The following NUDCD3 variants were observed in gnomAD, a reference collection of about 807,000 sequenced individuals.
The protein encoded by NUDCD3 is NudC domain containing 3, also known as nudC domain-containing protein 3.
Under a neutral mutation model 39.7 loss-of-function variants are expected in NUDCD3, and 13 were observed. That is an observed-to-expected ratio of 0.33 (90% CI 0.21 to 0.52). The LOEUF is 0.52. NUDCD3 is among the 20% of genes least tolerant of loss of function. NUDCD3 has a pLI of 0.96. For synonymous variants in NUDCD3, 175 were observed against 172.4 expected, an observed-to-expected ratio of 1.02 and a Z score of -0.12; for missense variants, 453 against 458.1, an observed-to-expected ratio of 0.99 and a Z score of 0.10.
At chr7:44,465,212 A>G (rs1800095320) in intron 2 of NUDCD3, among the ~76,000 whole-genome samples, 1 of 152,230 alleles carries the variant, frequency 6.6e-6, no homozygotes, top group Admixed American at 6.5e-5. Flanking sequence ...ATATTACTAT[A>G]AAGAAACTTT....
intron 2 of NUDCD3, among the ~76,000 whole-genome samples, chr7:44,455,801 C>T (rs1240141708): frequency 2.6e-5 from 4 of 151,840 alleles, no homozygotes; most frequent in Middle Eastern, 6.8e-3. Context: ...CCGAGGCGGG[C>T]GGATCACGAG....
intron 5 of NUDCD3, 87 bp from the exon 6 acceptor site, chr7:44,386,208 C>A (rs1023680811): frequency 7.0e-7 from 1 of 1,428,316 alleles, no homozygotes. Context: ...AGGTAGAGAG[C>A]CTTCTTGCTT....
At chr7:44,480,344 A>T (rs1467294873) in intron 2 of NUDCD3, among the ~76,000 whole-genome samples, 10 of 152,246 alleles carry the variant, frequency 6.6e-5, no homozygotes, top group African/African-American at 1.7e-4. Context: ...ATAGTAAGGG[A>T]CAAAGATAAA....
intron 2 of NUDCD3, among the ~76,000 whole-genome samples, chr7:44,470,127 A>AT (rs981425788): frequency 3.9e-4 from 59 of 152,234 alleles, no homozygotes; most frequent in South Asian, 8.3e-4. Context: ...GACTTCTGCA[A>AT]TTTTTTTTGG....
At chr7:44,429,308 A>G (rs1252192473) in intron 2 of NUDCD3, among the ~76,000 whole-genome samples, 1 of 152,210 alleles carries the variant, frequency 6.6e-6, no homozygotes, top group African/African-American at 2.4e-5. Context: ...AGTTACAACA[A>G]GGTCATTAGG....
intron 3 of NUDCD3, among the ~76,000 whole-genome samples, chr7:44,419,668 T>G (rs1375583749): frequency 6.6e-6 from 1 of 152,154 alleles, no homozygotes; most frequent in African/African-American, 2.4e-5. Context: ...TGGCAATCTT[T>G]GCTGTTCTGC....
intron 2 of NUDCD3, among the ~76,000 whole-genome samples, chr7:44,473,606 G>A (rs1346538326): frequency 6.6e-6 from 1 of 152,148 alleles, no homozygotes; most frequent in African/African-American, 2.4e-5. Flanking sequence ...ATATAGTAGG[G>A]AAAATATATA....
Position 44,485,088 on chromosome 7 carries a change from A to C in NUDCD3, c.389T>G (p.Val130Gly), listed in dbSNP as rs988368420. 3.7e-6 allele frequency: 6 copies of C among 1,614,120 alleles called. No individual in the cohort carries two copies. Among genetic ancestry groups the C allele is most frequent in the Non-Finnish European group, 5.1e-6 (6 of 1,180,014 alleles). Residue 130 changes from valine to glycine, a missense_variant, in exon 2 of 6, where the codon GTA becomes GGA. Val to Gly is a moderately radical substitution (Grantham distance 109, BLOSUM62 -3). Coordinates refer to ENST00000355451, the MANE Select transcript of NUDCD3 (RefSeq NM_015332.4). Reference sequence around the variant, plus strand: ...AGGGCCTGGAGGCTGCACTTTCTCTACTTCCTGATGCCCATCCAATTCTGT... The same window carrying C: ...AGGGCCTGGAGGCTGCACTTTCTCTCCTTCCTGATGCCCATCCAATTCTGT... ...STTELDGHQE[V>G]EKVQPPGPVK...
At chr7:44,468,357 A>G (rs1585100100) in intron 2 of NUDCD3, 3 of 1,303,874 alleles carry the variant, frequency 2.3e-6, no homozygotes, top group African/African-American at 1.5e-5. Context: ...TGCAAAAAAA[A>G]AAAAAAAAAA....
At chr7:44,398,118 G>A (rs1318504640) in intron 4 of NUDCD3, among the ~76,000 whole-genome samples, 1 of 152,110 alleles carries the variant, frequency 6.6e-6, no homozygotes, top group Non-Finnish European at 1.5e-5. Context: ...CAGAACCCCT[G>A]CATCCCTGCT....
At chr7:44,400,418 G>C (rs1798699737) in intron 4 of NUDCD3, among the ~76,000 whole-genome samples, 1 of 152,214 alleles carries the variant, frequency 6.6e-6, no homozygotes, top group Non-Finnish European at 1.5e-5. Context: ...TGGGCTGCCA[G>C]GAGGTCAGAA....
intron 2 of NUDCD3, among the ~76,000 whole-genome samples, chr7:44,452,372 G>A (rs1799809818): frequency 6.6e-6 from 1 of 152,270 alleles, no homozygotes; most frequent in Non-Finnish European, 1.5e-5. Flanking sequence ...GCAGGCTTCA[G>A]TGAGCTGAGA....
intron 2 of NUDCD3, among the ~76,000 whole-genome samples, chr7:44,435,453 T>C (rs1799445784): frequency 6.6e-6 from 1 of 152,116 alleles, no homozygotes; most frequent in African/African-American, 2.4e-5. Context: ...AAGTCCACAA[T>C]GGACTGAAGC....
chr7:44,467,956 C>T, intron 2 of NUDCD3: 1 of 1,610,486 alleles, frequency 6.2e-7, no homozygotes, highest in South Asian at 1.1e-5. Flanking sequence ...CCAAGAAGTT[C>T]ATCCAGCACC....
chr7:44,381,960 T>G lies in NUDCD3; in HGVS notation c.*4051A>C, dbSNP rs1299100779. The G allele has an allele frequency of 6.6e-6, 1 of 152,228 alleles. No homozygotes were observed. The highest frequency in any genetic ancestry group is 1.5e-5 in the Non-Finnish European group (1 of 68,062). The allele number at this position is 152,228 out of a possible 1,614,324, so 9.4% of individuals were successfully genotyped here. The stretch of plus-strand genomic sequence containing the variant: ...ATGGGCTCTGGTCTCCCCATCACCC[T>G]CTGAGGGGGAAGCAGGAAGTTGTGA... On this transcript the variant is annotated 3_prime_UTR_variant, in exon 6 of 6. Transcript: ENST00000355451.
At chr7:44,460,388 C>T (rs1352302879) in intron 2 of NUDCD3, among the ~76,000 whole-genome samples, 1 of 152,126 alleles carries the variant, frequency 6.6e-6, no homozygotes, top group Non-Finnish European at 1.5e-5. Context: ...TATTTCTTAC[C>T]TGGTATGACT....
intron 2 of NUDCD3, among the ~76,000 whole-genome samples, chr7:44,478,428 C>G (rs944761086): frequency 5.3e-5 from 8 of 152,188 alleles, no homozygotes; most frequent in African/African-American, 1.9e-4. Flanking sequence ...TGGCAGGCAC[C>G]TGCACTCCCA....
At chr7:44,402,375 G>A (rs910175997) in intron 4 of NUDCD3, among the ~76,000 whole-genome samples, 2 of 152,210 alleles carry the variant, frequency 1.3e-5, no homozygotes, top group East Asian at 1.9e-4. Flanking sequence ...TGTACAAAAC[G>A]CACACAAAAA....
At chr7:44,471,706 GAGT>G (rs1800262509) in intron 2 of NUDCD3, 1 of 152,292 alleles carries the variant, frequency 6.6e-6, no homozygotes, top group Admixed American at 6.5e-5. Flanking sequence ...GGCCACTACA[GAGT>G]AGAAGTGACA....
Sources: allele counts gnomAD v4.1 joint callset (sites outside exome capture counted in the v4.1 genomes callset), GRCh38; gene constraint gnomAD v4.1.1; transcripts MANE v1.5; gene names NCBI Gene and HGNC (gene_info 2026-07-23, HGNC 2026-07-21).